TRPC7: variants seen among roughly 807,000 people sequenced by gnomAD.
TRPC7 encodes transient receptor potential cation channel subfamily C member 7.
In TRPC7, 42 loss-of-function variants were observed where a neutral mutation model predicts 90.1. The ratio of observed to expected loss-of-function variants is 0.47; its 90% CI spans 0.36 to 0.60. The LOEUF (loss-of-function observed/expected upper bound fraction) is 0.60. Ranked by LOEUF, TRPC7 falls within the 20% of genes least tolerant of loss-of-function variation. The pLI, the probability that TRPC7 is intolerant of heterozygous loss-of-function variation, is 0.00. For synonymous variants in TRPC7, 451 were observed against 436.3 expected (o/e 1.03, Z -0.42); for missense variants, 955 against 1,112.3 (o/e 0.86, Z 2.01).
At chr5:136,243,791 T>C (rs1343835111) in intron 7 of TRPC7, among the ~76,000 whole-genome samples, 2 of 152,190 alleles carry the variant, frequency 1.3e-5, no homozygotes, top group Non-Finnish European at 2.9e-5. Context: ...CACTGCTCTA[T>C]TGACTGTTTT....
At chr5:136,238,491 G>C (rs1756061249) in intron 7 of TRPC7, among the ~76,000 whole-genome samples, 1 of 152,216 alleles carries the variant, frequency 6.6e-6, no homozygotes, top group Non-Finnish European at 1.5e-5. Context: ...ACCTGCCCCT[G>C]CTGGTAACAT....
At chr5:136,235,275 T>A (rs891616851) in intron 7 of TRPC7, among the ~76,000 whole-genome samples, 16 of 151,904 alleles carry the variant, frequency 1.1e-4, no homozygotes, top group Non-Finnish European at 1.9e-4. Flanking sequence ...AAGGAAAAAA[T>A]TTTCAGTGAA....
chr5:136,361,893 G>C (rs2149865171), intron 1 of TRPC7, among the ~76,000 whole-genome samples: 1 of 152,222 alleles, frequency 6.6e-6, no homozygotes, highest in South Asian at 2.1e-4. Context: ...AAAATAAAGG[G>C]AGTAATAAAG....
chr5:136,310,409 C>G (rs1312141679), intron 3 of TRPC7, among the ~76,000 whole-genome samples: 1 of 152,196 alleles, frequency 6.6e-6, no homozygotes, highest in Non-Finnish European at 1.5e-5. Flanking sequence ...CCTCTCCACC[C>G]TCTGCACTTT....
At chr5:136,279,653 C>A (rs953054524) in intron 3 of TRPC7, among the ~76,000 whole-genome samples, 2 of 152,176 alleles carry the variant, frequency 1.3e-5, no homozygotes, top group Non-Finnish European at 1.5e-5. Context: ...ACCCTCCATA[C>A]CTGGCAGCAA....
intron 6 of TRPC7, among the ~76,000 whole-genome samples, chr5:136,249,287 A>G (rs1256794431): frequency 6.6e-6 from 1 of 152,240 alleles, no homozygotes; most frequent in Non-Finnish European, 1.5e-5. Flanking sequence ...AATAGAGAGC[A>G]GTAAGAAACC....
At chr5:136,285,161 G>A (rs996991148) in intron 3 of TRPC7, among the ~76,000 whole-genome samples, 18 of 152,258 alleles carry the variant, frequency 1.2e-4, no homozygotes, top group East Asian at 5.8e-4. Flanking sequence ...CTTGTGAGTC[G>A]TGCTAAGATG....
In TRPC7 at chr5:136,292,699, G is replaced by A. The variant is rs562879354; in HGVS notation, c.964-17862C>T. Reference sequence around the variant, plus strand: ...TCCAGGACCAGATGGATTCACAGCCGAATTCTACCAGAGGTACAAGGAGGA... The same window carrying A: ...TCCAGGACCAGATGGATTCACAGCCAAATTCTACCAGAGGTACAAGGAGGA... On this transcript the variant is annotated intron_variant, in intron 3 of 11. Transcript: ENST00000513104. Among the ~76,000 whole-genome samples the A allele has an allele frequency of 5.4e-3, 823 of 152,142 alleles. 3 individuals carry two copies. Among genetic ancestry groups the A allele is most frequent in the East Asian group, 0.023 (119 of 5,176 alleles).
chr5:136,265,630 A>C (rs1756997882), intron 5 of TRPC7, among the ~76,000 whole-genome samples: 1 of 152,164 alleles, frequency 6.6e-6, no homozygotes, highest in African/African-American at 2.4e-5. Context: ...TTAGTTAATC[A>C]ATGAGGAAAT....
intron 2 of TRPC7, among the ~76,000 whole-genome samples, chr5:136,348,762 T>C (rs1042308401): frequency 6.6e-5 from 10 of 152,188 alleles, no homozygotes; most frequent in African/African-American, 2.4e-4. Context: ...TCCTGATAAA[T>C]ATTTTCTGTA....
At chr5:136,312,248 C>A (rs191339464) in intron 3 of TRPC7, among the ~76,000 whole-genome samples, 11 of 152,138 alleles carry the variant, frequency 7.2e-5, no homozygotes, top group Non-Finnish European at 1.3e-4. Flanking sequence ...GTCCTCATAA[C>A]GCCTTTGGTA....
intron 2 of TRPC7, among the ~76,000 whole-genome samples, chr5:136,349,594 GATTT>G (rs1258774661): frequency 3.9e-5 from 6 of 152,144 alleles, no homozygotes; most frequent in Admixed American, 1.3e-4. Flanking sequence ...TTTGATCACT[GATTT>G]ATTTGTCTAT....
chr5:136,365,357 C>T lies in TRPC7; in HGVS notation c.-103G>A. ...ATGGGTGGTAGCCAAGGATGTACCG[C>T]TCTCCGTGGTGCTGAAGTATAGAGC... On this transcript the variant is annotated 5_prime_UTR_variant, in exon 1 of 12. Transcript: ENST00000513104. 1 of 1,210,330 alleles carries T rather than the reference C, an allele frequency of 8.3e-7. No homozygotes were observed. Among genetic ancestry groups the T allele is most frequent in the Admixed American group, 2.0e-5 (1 of 50,178 alleles). 75.0% of individuals were successfully genotyped at this position (1,210,330 alleles called of 1,614,324 possible).
At chr5:136,255,223 G>A (rs982181904) in intron 5 of TRPC7, among the ~76,000 whole-genome samples, 8 of 152,316 alleles carry the variant, frequency 5.3e-5, no homozygotes, top group South Asian at 2.1e-4. Context: ...TTTGAAAGAA[G>A]TTCTACTTTG....
chr5:136,286,482 C>A (rs927144792), intron 3 of TRPC7, among the ~76,000 whole-genome samples: 2 of 152,156 alleles, frequency 1.3e-5, no homozygotes, highest in African/African-American at 2.4e-5. Flanking sequence ...TGAGGAAGCT[C>A]AAAATATCCA....
intron 5 of TRPC7, among the ~76,000 whole-genome samples, chr5:136,264,397 G>GT (rs1270787267): frequency 6.6e-6 from 1 of 152,126 alleles, no homozygotes; most frequent in East Asian, 1.9e-4. Flanking sequence ...CAACATGTGA[G>GT]TTTTTTCTAA....
At chr5:136,275,433 C>G (rs914610145) in intron 3 of TRPC7, among the ~76,000 whole-genome samples, 8 of 151,782 alleles carry the variant, frequency 5.3e-5, no homozygotes, top group Admixed American at 4.6e-4. Flanking sequence ...AGGAAAAATG[C>G]TTACAGTGTT....
In TRPC7 at chr5:136,213,342, G is replaced by A; in HGVS notation, c.*93C>T. 3 of 1,334,214 alleles carry A rather than the reference G, an allele frequency of 2.2e-6. No individual in the cohort carries two copies. The highest frequency in any genetic ancestry group is 3.1e-6 in the Non-Finnish European group (3 of 963,070). 82.6% of individuals were successfully genotyped at this position (1,334,214 alleles called of 1,614,324 possible). A position where few individuals can be genotyped will look rare whatever the true frequency, so the allele number is the denominator to read the frequency against. Reference sequence around the variant, plus strand: ...GATCCCCTTCGTGTCCTAGAGGAGTGGGCTGGGGACCCCTCCCCACCAAGG... The same window carrying A: ...GATCCCCTTCGTGTCCTAGAGGAGTAGGCTGGGGACCCCTCCCCACCAAGG... On this transcript the variant is annotated 3_prime_UTR_variant, in exon 12 of 12. Coordinates refer to ENST00000513104, the MANE Select transcript of TRPC7 (RefSeq NM_020389.3).
At chr5:136,231,982 C>A (rs1755831580) in intron 7 of TRPC7, among the ~76,000 whole-genome samples, 1 of 152,148 alleles carries the variant, frequency 6.6e-6, no homozygotes, top group Admixed American at 6.6e-5. Context: ...TGGAGTGGGG[C>A]TGGGCTGGTT....
Sources: allele counts gnomAD v4.1 joint callset (sites outside exome capture counted in the v4.1 genomes callset), GRCh38; gene constraint gnomAD v4.1.1; transcripts MANE v1.5; gene names NCBI Gene and HGNC (gene_info 2026-07-23, HGNC 2026-07-21).